The following LRP1B variants were observed in gnomAD, a reference collection of about 807,000 sequenced individuals.
LRP1B encodes low-density lipoprotein receptor-related protein 1B.
In LRP1B, 217 loss-of-function variants were observed where a neutral mutation model predicts 556.6. The observed-to-expected ratio is 0.39, with a 90% CI of 0.35 to 0.44. The LOEUF (loss-of-function observed/expected upper bound fraction) is 0.44, where lower values mean the gene tolerates loss of function less well. Among genes scored for constraint, LRP1B ranks in the 20% least tolerant of loss-of-function variants. The probability of loss-of-function intolerance (pLI) is 1.00; values close to 1 mark genes in which losing one functional copy is unlikely to be tolerated. For missense variants in LRP1B, 5,053 were observed against 5,620.8 expected (o/e 0.90, Z 3.23); for synonymous variants, 2,047 against 1,865.8 (o/e 1.10, Z -2.50).
At chr2:141,483,404 A>T in intron 2 of LRP1B, among the ~76,000 whole-genome samples, 1 of 128,110 alleles carries the variant, frequency 7.8e-6, no homozygotes, top group Non-Finnish European at 1.7e-5. Flanking sequence ...GCTATTGTGA[A>T]TAGTGCCACT....
intron 31 of LRP1B, among the ~76,000 whole-genome samples, chr2:140,819,871 G>A (rs150785734): frequency 6.1e-4 from 93 of 152,206 alleles, no homozygotes; most frequent in African/African-American, 2.2e-3. Flanking sequence ...ACCACTCTAG[G>A]AAACAATTTG....
chr2:141,652,548 A>C (rs981545487), intron 2 of LRP1B, among the ~76,000 whole-genome samples: 3 of 152,232 alleles, frequency 2.0e-5, no homozygotes, highest in Admixed American at 6.5e-5. Flanking sequence ...CTTCATACTA[A>C]GACAGAGCCT....
rs576327119 is a variant in LRP1B, at chr2:141,219,704, C to G, written c.850+9479G>C. ...TGGCTGGTATTAGCTTGGTGCCCCTCTGAGATGGAGCTCCCAGAGGAAGGA... is the reference window on the plus strand; with the variant it reads ...TGGCTGGTATTAGCTTGGTGCCCCTGTGAGATGGAGCTCCCAGAGGAAGGA... On this transcript the variant is annotated intron_variant, in intron 6 of 90. Coordinates refer to ENST00000389484, the MANE Select transcript of LRP1B (RefSeq NM_018557.3). 3.9e-4 allele frequency among the ~76,000 whole-genome samples: 59 copies of G among 152,210 alleles called. 1 individual carries two copies. The highest frequency in any genetic ancestry group is 1.1e-3 in the African/African-American group (47 of 41,534).
chr2:141,519,404 A>ATATATATATATATAT (rs1559118212), intron 2 of LRP1B, among the ~76,000 whole-genome samples: 6 of 9,394 alleles, frequency 6.4e-4, no homozygotes, highest in Admixed American at 2.1e-3. Flanking sequence ...TATATATATG[A>ATATATATATATATAT]AATGCAATAT....
rs756120273 is a variant in LRP1B, at chr2:140,789,618, C to CTTTTTTT, written c.5360-13387_5360-13381dup. On this transcript the variant is annotated intron_variant, in intron 32 of 90. Coordinates refer to ENST00000389484, the MANE Select transcript of LRP1B (RefSeq NM_018557.3). Reference sequence around the variant, plus strand: ...GCCAAGCACGATCTAGCTTTAAGGACTTTTTTTTTTTTTTTTTTTTTTTTT... The same window carrying CTTTTTTT: ...GCCAAGCACGATCTAGCTTTAAGGACTTTTTTTTTTTTTTTTTTTTTTTTTTTTTTTT... Among the ~76,000 whole-genome samples, 637 of 71,762 alleles carry CTTTTTTT rather than the reference C, an allele frequency of 8.9e-3. 77 individuals carry two copies. The highest frequency in any genetic ancestry group is 0.014 in the Non-Finnish European group (552 of 38,134). The allele number at this position is 71,762 out of a possible 152,430, so 47.1% of individuals were successfully genotyped here.
At chr2:141,497,886 T>G (rs1298304116) in intron 2 of LRP1B, among the ~76,000 whole-genome samples, 1 of 151,914 alleles carries the variant, frequency 6.6e-6, no homozygotes, top group Non-Finnish European at 1.5e-5. Flanking sequence ...AAAATTATAT[T>G]TAGGATATAA....
At chr2:140,303,012 C>CATAGAT (rs1683899870) in intron 83 of LRP1B, among the ~76,000 whole-genome samples, 1 of 82,838 alleles carries the variant, frequency 1.2e-5, no homozygotes, top group African/African-American at 4.2e-5. Flanking sequence ...AAATCTCCTT[C>CATAGAT]ATATATATAT....
intron 33 of LRP1B, among the ~76,000 whole-genome samples, chr2:140,774,270 G>C (rs989219329): frequency 3.9e-5 from 6 of 151,984 alleles, no homozygotes; most frequent in African/African-American, 1.5e-4. Context: ...TTGTACCATT[G>C]ATTTCTAAGT....
rs1707244580 is a variant in LRP1B, at chr2:142,115,828, ATCATATATATG to A, written c.82+14809_82+14819del. ...TATATATCATATATATGTAATATAT[ATCATATATATG>A]TAATATATATATATACATATATATA... On this transcript the variant is annotated intron_variant, in intron 1 of 90. Transcript: ENST00000389484. Among the ~76,000 whole-genome samples the A allele has an allele frequency of 1.2e-3, 9 of 7,668 alleles. 4 individuals are homozygous for A. The highest frequency in any genetic ancestry group is 7.8e-3 in the Admixed American group (2 of 256). 5.0% of individuals were successfully genotyped at this position (7,668 alleles called of 152,430 possible).
intron 7 of LRP1B, among the ~76,000 whole-genome samples, chr2:141,125,116 T>C (rs1169782601): frequency 6.6e-6 from 1 of 152,154 alleles, no homozygotes; most frequent in Non-Finnish European, 1.5e-5. Flanking sequence ...CAAAAATATC[T>C]AGAGAATAAG....
chr2:141,536,482 G>A (rs1248364074), intron 2 of LRP1B, among the ~76,000 whole-genome samples: 1 of 151,952 alleles, frequency 6.6e-6, no homozygotes, highest in African/African-American at 2.4e-5. Context: ...AATTATTAGG[G>A]AAGCAGAAGT....
chr2:140,515,968 A>G (rs1689878294), intron 50 of LRP1B, among the ~76,000 whole-genome samples: 1 of 152,026 alleles, frequency 6.6e-6, no homozygotes, highest in Non-Finnish European at 1.5e-5. Flanking sequence ...TTGTTTTCCT[A>G]TTGGAAATTT....
intron 3 of LRP1B, among the ~76,000 whole-genome samples, chr2:141,388,831 C>A (rs1157515390): frequency 3.3e-5 from 5 of 152,130 alleles, no homozygotes; most frequent in African/African-American, 1.2e-4. Context: ...ATGATTGACA[C>A]ACAAAAATTG....
At chr2:141,103,309 G>A (rs930391561) in intron 7 of LRP1B, among the ~76,000 whole-genome samples, 9 of 151,882 alleles carry the variant, frequency 5.9e-5, no homozygotes, top group Non-Finnish European at 1.0e-4. Flanking sequence ...TACAATAAAG[G>A]CAATAAACAT....
At chr2:141,991,964 C>G (rs997032471) in intron 1 of LRP1B, among the ~76,000 whole-genome samples, 1 of 152,038 alleles carries the variant, frequency 6.6e-6, no homozygotes, top group Non-Finnish European at 1.5e-5. Flanking sequence ...GGGACTGGCT[C>G]CAGGACTCCC....
At position 140,518,255 on chromosome 2, in the gene LRP1B, A is replaced by C. The variant is rs1041748160; in HGVS notation, c.8027-1244T>G. Among the ~76,000 whole-genome samples, 10 of 152,238 alleles carry C rather than the reference A, an allele frequency of 6.6e-5. No homozygotes were observed. In the East Asian group the frequency reaches 1.5e-3, roughly 24 times the overall value. On this transcript the variant is annotated intron_variant, in intron 49 of 90. Transcript: ENST00000389484. ...TTTGAGTGAATTCAGCATTAAACCAAAACATTTTAGGATGCTTAGGATGTT... is the reference window on the plus strand; with the variant it reads ...TTTGAGTGAATTCAGCATTAAACCACAACATTTTAGGATGCTTAGGATGTT...
chr2:141,441,769 G>A (rs1157734316), intron 3 of LRP1B, among the ~76,000 whole-genome samples: 1 of 152,092 alleles, frequency 6.6e-6, no homozygotes, highest in Non-Finnish European at 1.5e-5. Flanking sequence ...TATGAAACCA[G>A]GAACATTGAA....
rs539465347 is a variant in LRP1B at position 141,282,866 on chromosome 2, T to C, written c.344-28225A>G. 1.1e-4 allele frequency among the ~76,000 whole-genome samples: 16 copies of C among 152,200 alleles called. No homozygotes were observed. The South Asian group carries it at 3.3e-3, about 32-fold the overall frequency. ...AAGTAGTAGAAATGTCTTACGGGTG[T>C]AGAGGTTTAAAGAATGTAAGCAGTT... On this transcript the variant is annotated intron_variant, in intron 3 of 90. Coordinates refer to ENST00000389484, the MANE Select transcript of LRP1B (RefSeq NM_018557.3).
chr2:141,005,361 A>G lies in LRP1B; in HGVS notation c.2477T>C (p.Leu826Ser), dbSNP rs2105373655. 1 of 1,610,198 alleles carries G rather than the reference A, an allele frequency of 6.2e-7. No homozygotes were observed. Among genetic ancestry groups the G allele is most frequent in the Non-Finnish European group, 8.5e-7 (1 of 1,177,472 alleles). The change falls in exon 15 of 91, where the codon TTG (leucine) becomes TCG (serine). Residue 826 changes from leucine (L) to serine (S), a missense_variant. Transcript: ENST00000389484. ...RVCACADNQL[L>S]DENGTTCTFN... ...TGTGCAAGTTGTCCCATTTTCATCC[A>G]AAAGTTGATTATCGGCACAAGCACA... is the stretch of plus-strand genomic sequence containing the variant.
Sources: gnomAD v4.1 joint callset for allele counts (sites outside exome capture counted in the v4.1 genomes callset) on GRCh38, gnomAD v4.1.1 for gene constraint, MANE v1.5 for transcripts, NCBI Gene and HGNC (gene_info 2026-07-23, HGNC 2026-07-21) for gene names.